Variants in ZFX observed in about 807,000 individuals in gnomAD.
ZFX encodes the protein zinc finger X-chromosomal protein.
For synonymous variants in ZFX, 196 were observed against 226.8 expected, an observed-to-expected ratio of 0.86 and a Z score of 1.22; for missense variants, 362 against 628.3, an observed-to-expected ratio of 0.58 and a Z score of 4.53.
intron 3 of ZFX, among the ~76,000 whole-genome samples, chrX:24,167,986 G>T (rs1244171404): frequency 9.0e-6 from 1 of 111,358 alleles, no homozygotes; most frequent in Non-Finnish European, 1.9e-5. Context: ...GCTTTGAGAT[G>T]AATTTAATTT....
intron 3 of ZFX, among the ~76,000 whole-genome samples, chrX:24,162,927 T>C (rs944343750): frequency 9.0e-6 from 1 of 111,668 alleles, no homozygotes; most frequent in Non-Finnish European, 1.9e-5. Context: ...TGACGTTTCA[T>C]ATAAATGGAA....
chrX:24,164,235 C>T (rs1329601033), intron 3 of ZFX, among the ~76,000 whole-genome samples: 1 of 110,608 alleles, frequency 9.0e-6, no homozygotes, highest in African/African-American at 3.3e-5. Context: ...CAAACCTGCC[C>T]CTGCATTGCC....
At chrX:24,154,646 G>A in intron 3 of ZFX, among the ~76,000 whole-genome samples, 1 of 111,716 alleles carries the variant, frequency 9.0e-6, no homozygotes, top group South Asian at 3.7e-4. Context: ...CATGACATAT[G>A]ATGTCATAAT....
intron 3 of ZFX, among the ~76,000 whole-genome samples, chrX:24,166,475 T>C (rs904263569): frequency 1.8e-5 from 2 of 112,221 alleles, no homozygotes; most frequent in African/African-American, 6.5e-5. Flanking sequence ...TATTCTTTTC[T>C]TAGAGAATGG....
chrX:24,210,099 G>GC, intron 9 of ZFX, 94 bp from the exon 10 acceptor site: 1 of 1,111,584 alleles, frequency 9.0e-7, no homozygotes, highest in East Asian at 3.0e-5. Flanking sequence ...GGAGTCCTTG[G>GC]CCAACAGTGG....
intron 3 of ZFX, among the ~76,000 whole-genome samples, chrX:24,160,705 C>T (rs1439632090): frequency 9.0e-6 from 1 of 111,634 alleles, no homozygotes; most frequent in Non-Finnish European, 1.9e-5. Flanking sequence ...TATCATTTCT[C>T]TGTGTTGGGA....
intron 3 of ZFX, among the ~76,000 whole-genome samples, chrX:24,163,222 T>G (rs867602771): frequency 1.1e-4 from 10 of 91,413 alleles, no homozygotes; most frequent in Non-Finnish European, 1.9e-4. Context: ...AGGTCTGTGG[T>G]GTGTGTGTGT....
intron 3 of ZFX, among the ~76,000 whole-genome samples, chrX:24,171,905 G>A (rs2520325): frequency 0.061 from 2,550 of 41,870 alleles, 72 homozygotes; most frequent in African/African-American, 0.18. Context: ...AGAGAGAGAA[G>A]GAGAGAGAGA....
intron 3 of ZFX, among the ~76,000 whole-genome samples, chrX:24,162,088 C>T (rs774685712): frequency 3.7e-5 from 4 of 108,881 alleles, no homozygotes; most frequent in East Asian, 2.8e-4. Context: ...TCTAGCTGGG[C>T]GTGGTGGCAC....
At chrX:24,172,640 GA>G in intron 3 of ZFX, 74 bp from the exon 4 acceptor site, 2 of 739,694 alleles carry the variant, frequency 2.7e-6, no homozygotes, top group Non-Finnish European at 3.8e-6. Flanking sequence ...TCTCAGAAAT[GA>G]AACTATCATG....
intron 3 of ZFX, among the ~76,000 whole-genome samples, chrX:24,171,866 C>T (rs61324845): frequency 9.2e-6 from 1 of 108,145 alleles, no homozygotes; most frequent in East Asian, 2.9e-4. Flanking sequence ...AATGACTTTT[C>T]TCAGCTCTTA....
intron 3 of ZFX, among the ~76,000 whole-genome samples, chrX:24,160,372 C>T (rs1218147820): frequency 9.6e-6 from 1 of 104,287 alleles, no homozygotes; most frequent in Non-Finnish European, 1.9e-5. Flanking sequence ...ACTCTCGGCT[C>T]ACTGTAACCT....
At position 24,212,611 on chromosome X, in the gene ZFX, C is replaced by G. The variant is rs1938172402; in HGVS notation, c.*1235C>G. Reference sequence around the variant, plus strand: ...GTATCCAGACATGACTCCCACAGTTCTCTTTGAGAAGCCTGAGAGGGAACT... The same window carrying G: ...GTATCCAGACATGACTCCCACAGTTGTCTTTGAGAAGCCTGAGAGGGAACT... On this transcript the variant is annotated 3_prime_UTR_variant, in exon 10 of 10. Coordinates refer to ENST00000304543, the MANE Select transcript of ZFX (RefSeq NM_003410.4). The G allele has an allele frequency of 8.9e-6, 1 of 112,312 alleles. No individual in the cohort carries two copies. The highest frequency in any genetic ancestry group is 3.2e-5 in the African/African-American group (1 of 30,842). The allele number at this position is 112,312 out of a possible 1,213,427, so 9.3% of individuals were successfully genotyped here.
intron 3 of ZFX, among the ~76,000 whole-genome samples, chrX:24,153,469 G>T (rs1932450431): frequency 9.0e-6 from 1 of 111,490 alleles, no homozygotes; most frequent in African/African-American, 3.3e-5. Flanking sequence ...GCGTGATGCC[G>T]TCTCTTGCAT....
intron 4 of ZFX, chrX:24,173,519 G>C: frequency 1.9e-6 from 2 of 1,069,921 alleles, no homozygotes; most frequent in Non-Finnish European, 2.4e-6. Context: ...AACAGTATTA[G>C]AAAACATGTA....
At chrX:24,151,037 G>A (rs757248171) in intron 1 of ZFX, among the ~76,000 whole-genome samples, 23 of 112,012 alleles carry the variant, frequency 2.1e-4, no homozygotes, top group Admixed American at 1.8e-3. Context: ...ACTTAGTGTG[G>A]TGCATATTTA....
intron 5 of ZFX, among the ~76,000 whole-genome samples, chrX:24,186,701 T>A (rs1936141591): frequency 8.9e-6 from 1 of 111,737 alleles, no homozygotes; most frequent in African/African-American, 3.3e-5. Context: ...CTTTATAATA[T>A]CATGGTTGTG....
intron 3 of ZFX, among the ~76,000 whole-genome samples, chrX:24,158,988 A>G (rs1359573705): frequency 9.3e-6 from 1 of 107,127 alleles, no homozygotes; most frequent in Non-Finnish European, 1.9e-5. Flanking sequence ...TTAATCTTCT[A>G]TTTTATTTTT....
intron 5 of ZFX, among the ~76,000 whole-genome samples, chrX:24,187,116 G>T (rs902618080): frequency 9.0e-6 from 1 of 111,663 alleles, no homozygotes; most frequent in Non-Finnish European, 1.9e-5. Context: ...AGATCTCACC[G>T]TGTTGCCCAG....
Sources: gnomAD v4.1 joint callset for allele counts (sites outside exome capture counted in the v4.1 genomes callset) on GRCh38, gnomAD v4.1.1 for gene constraint, MANE v1.5 for transcripts, NCBI Gene and HGNC (gene_info 2026-07-23, HGNC 2026-07-21) for gene names.